Variants in PWWP3A observed in about 807,000 individuals in gnomAD.
The protein encoded by PWWP3A is PWWP domain containing 3A, DNA repair factor.
Under a neutral mutation model 79.0 loss-of-function variants are expected in PWWP3A, and 53 were observed. The observed-to-expected ratio is 0.67, with a 90% confidence interval of 0.54 to 0.84. PWWP3A has a LOEUF of 0.84. Ranked by LOEUF, PWWP3A falls within the 40% of genes least tolerant of loss-of-function variation. The pLI is 0.00. For synonymous variants in PWWP3A, 443 were observed against 394.4 expected (o/e 1.12, Z -1.46); for missense variants, 973 against 948.0 (o/e 1.03, Z -0.35).
At position 1,362,308 on chromosome 19, in the gene PWWP3A, AGAC is replaced by A. The variant is rs751577152; in HGVS notation, c.1173_1175del (p.Asp391del). On this transcript the variant is annotated inframe_deletion, in exon 6 of 14. Coordinates refer to ENST00000591337, the MANE Select transcript of PWWP3A (RefSeq NM_001369789.1). Reference sequence around the variant, plus strand: ...ATTCCATGCGTTCTATCCTGGAGGAAGACGAGGAAGACGAGGAGCCACCAAGAG... The same window carrying A: ...ATTCCATGCGTTCTATCCTGGAGGAAGAGGAAGACGAGGAGCCACCAAGAG... 6.2e-7 allele frequency: 1 copy of A among 1,613,768 alleles called. No homozygotes were observed. Among genetic ancestry groups the A allele is most frequent in the Admixed American group, 1.7e-5 (1 of 59,986 alleles).
At chr19:1,372,984 C>A in intron 12 of PWWP3A, 88 bp from the exon 13 acceptor site, 1 of 1,131,900 alleles carries the variant, frequency 8.8e-7, no homozygotes. Context: ...ACCTGGTGAC[C>A]CAGGCTCCCT....
chr19:1,377,897 G>A lies in PWWP3A; in HGVS notation c.*1321G>A, dbSNP rs1315629448. The A allele has an allele frequency of 6.6e-6, 1 of 152,270 alleles. No individual in the cohort carries two copies. The highest frequency in any genetic ancestry group is 1.5e-5 in the Non-Finnish European group (1 of 68,052). 9.4% of individuals were successfully genotyped at this position (152,270 alleles called of 1,614,324 possible). Reference sequence around the variant, plus strand: ...GGAACACGATTGTCTCAGATGCAGGGCGCTGTGCGGGACGAAGCCGCAAGG... The same window carrying A: ...GGAACACGATTGTCTCAGATGCAGGACGCTGTGCGGGACGAAGCCGCAAGG... On this transcript the variant is annotated 3_prime_UTR_variant, in exon 14 of 14. Coordinates refer to ENST00000591337, the MANE Select transcript of PWWP3A (RefSeq NM_001369789.1).
intron 1 of PWWP3A, among the ~76,000 whole-genome samples, chr19:1,355,903 A>G (rs549354874): frequency 1.1e-3 from 160 of 152,144 alleles, no homozygotes; most frequent in African/African-American, 3.6e-3. Flanking sequence ...GGCAGCCAAA[A>G]GAGCAGTCGT....
Position 1,370,977 on chromosome 19 carries a change from G to C in PWWP3A, c.1885G>C (p.Val629Leu). 1 of 1,564,268 alleles carries C rather than the reference G, an allele frequency of 6.4e-7. No homozygotes were observed. The highest frequency in any genetic ancestry group is 8.7e-7 in the Non-Finnish European group (1 of 1,153,898). ...GGATGAGGGGCAGCTGGACCTGGTG[G>C]TGAAGTACCTGCAGGGCGTCTACCA... ...LEDEGQLDLVVKYLQGVYQEV... is the reference protein window; with the variant it reads ...LEDEGQLDLVLKYLQGVYQEV... The change falls in exon 12 of 14, where the codon GTG becomes CTG. Residue 629 changes from valine (V) to leucine (L), a missense_variant. Transcript: ENST00000591337.
In PWWP3A at chr19:1,360,155, T is replaced by C. The variant is rs374995188; in HGVS notation, c.234T>C (p.Pro78=). Residue 78 remains proline, a synonymous_variant, in exon 5 of 14, where the codon CCT becomes CCC. Transcript: ENST00000591337. The surrounding 1 kb of genome is among the most constrained non-coding windows in gnomAD (Gnocchi z 4.4). The stretch of plus-strand genomic sequence containing the variant: ...TTGCAGCCTCACAGAATGAGGTTCC[T>C]GCGGCACCCCTGGAAGAACTGGCCT... ...ASSLASQNEV[P]AAPLEELAYR... is the part of the protein sequence containing the mutation. The C allele has an allele frequency of 2.4e-5, 38 of 1,567,258 alleles. 1 individual carries two copies. In the African/African-American group the frequency reaches 5.2e-4, roughly 21 times the overall value.
chr19:1,363,144 GGT>G (rs2082056178), intron 6 of PWWP3A, among the ~76,000 whole-genome samples: 1 of 152,248 alleles, frequency 6.6e-6, no homozygotes, highest in Non-Finnish European at 1.5e-5. Flanking sequence ...CCAGGAAGCT[GGT>G]GCGTGTGCAG....
chr19:1,358,148 T>A, intron 3 of PWWP3A: 1 of 478,976 alleles, frequency 2.1e-6, no homozygotes, highest in Non-Finnish European at 3.7e-6. Flanking sequence ...TTTGAATTCA[T>A]TTTTGCTTTT....
Position 1,360,237 on chromosome 19 carries a change from CAAG to C in PWWP3A, c.319_321del (p.Glu107del), listed in dbSNP as rs769179696. The C allele has an allele frequency of 1.2e-6, 2 of 1,613,894 alleles. No homozygotes were observed. The highest frequency in any genetic ancestry group is 2.7e-5 in the African/African-American group (2 of 74,930). The stretch of plus-strand genomic sequence containing the variant: ...TCTGAGCGAGGGCTCGATTTGGAGT[CAAG>C]AAAGCTCTGCAGGGACAGGTAGAGC... On this transcript the variant is annotated inframe_deletion, in exon 5 of 14. Transcript: ENST00000591337. The surrounding 1 kb of genome is among the most constrained non-coding windows in gnomAD (Gnocchi z 4.4).
intron 7 of PWWP3A, 74 bp downstream of exon 7, chr19:1,364,653 G>C (rs1202520009): frequency 8.7e-6 from 10 of 1,150,926 alleles, no homozygotes; most frequent in Non-Finnish European, 1.1e-5. Flanking sequence ...TCCATCTTTA[G>C]TTCTTGATAA....
At chr19:1,375,528 T>TATATAAAATATGTA (rs1568965167) in intron 13 of PWWP3A, among the ~76,000 whole-genome samples, 76 of 79,044 alleles carry the variant, frequency 9.6e-4, no homozygotes, top group African/African-American at 4.3e-3. Flanking sequence ...AATCATATAA[T>TATATAAAATATGTA]TTATATATTT....
intron 9 of PWWP3A, among the ~76,000 whole-genome samples, chr19:1,367,614 C>T (rs1055254190): frequency 2.0e-5 from 3 of 152,350 alleles, no homozygotes; most frequent in South Asian, 2.1e-4. Flanking sequence ...CGGCCGGGGG[C>T]GTCCCTAGCT....
chr19:1,370,908 C>T lies in PWWP3A; in HGVS notation c.1816C>T (p.Leu606=). 1.9e-6 allele frequency: 3 copies of T among 1,555,620 alleles called. No homozygotes were observed. The highest frequency in any genetic ancestry group is 2.6e-6 in the Non-Finnish European group (3 of 1,149,232). The change falls in exon 12 of 14, where the codon CTG becomes TTG. Residue 606 remains leucine, a synonymous_variant. Coordinates refer to ENST00000591337, the MANE Select transcript of PWWP3A (RefSeq NM_001369789.1). ...GCCATCTCGCTGGCTGCAGACCTTC[C>T]TGAGCTCCAGCCAGTACGTGACCTG... ...RKPSRWLQTF[L]SSSQYVTCVE...
At position 1,368,690 on chromosome 19, in the gene PWWP3A, G is replaced by A. The variant is rs1264475089; in HGVS notation, c.1423-575G>A. On this transcript the variant is annotated intron_variant, in intron 9 of 13. Coordinates refer to ENST00000591337, the MANE Select transcript of PWWP3A (RefSeq NM_001369789.1). The surrounding 1 kb of genome is among the most constrained non-coding windows in gnomAD (Gnocchi z 4.7). ...TGCCAGCCCAGGTGCTGTTAGAGCA[G>A]CCCAGGTGCTGGCCTAGCCTGGCTG... 3.3e-5 allele frequency among the ~76,000 whole-genome samples: 5 copies of A among 152,348 alleles called. No individual in the cohort carries two copies. In the South Asian group the frequency reaches 1.0e-3, roughly 32 times the overall value.
chr19:1,371,943 T>C (rs939114213), intron 12 of PWWP3A, among the ~76,000 whole-genome samples: 94 of 151,734 alleles, frequency 6.2e-4, no homozygotes, highest in African/African-American at 2.2e-3. Flanking sequence ...TAGCTGGGAC[T>C]ACAGGCGCCC....
intron 7 of PWWP3A, among the ~76,000 whole-genome samples, chr19:1,366,007 G>T (rs373783277): frequency 2.0e-5 from 3 of 152,248 alleles, no homozygotes; most frequent in Non-Finnish European, 4.4e-5. Context: ...CTGCTGAGCC[G>T]CTGGAGAATC....
chr19:1,371,102 C>T (rs376744405), intron 12 of PWWP3A, 24 bp downstream of exon 12: 24 of 1,546,144 alleles, frequency 1.6e-5, no homozygotes, highest in Middle Eastern at 1.7e-4. Flanking sequence ...CGGCGTGTCA[C>T]GTGGGCAGGG....
At chr19:1,376,311 GT>G (rs371207367) in intron 13 of PWWP3A, among the ~76,000 whole-genome samples, 21 of 69,876 alleles carry the variant, frequency 3.0e-4, no homozygotes, top group East Asian at 1.7e-3. Context: ...TTTTTTGTTT[GT>G]TTTTTTTTTT....
intron 12 of PWWP3A, chr19:1,372,559 C>G (rs2082285112): frequency 6.6e-6 from 1 of 152,084 alleles, no homozygotes; most frequent in Non-Finnish European, 1.5e-5. Flanking sequence ...GAGCTTGAGA[C>G]CAGCCTGGCC....
rs371436491 is a variant in PWWP3A at position 1,373,102 on chromosome 19, G to A, written c.2017G>A (p.Glu673Lys). 7 of 1,614,140 alleles carry A rather than the reference G, an allele frequency of 4.3e-6. No individual in the cohort carries two copies. Among genetic ancestry groups the A allele is most frequent in the East Asian group, 2.2e-5 (1 of 44,900 alleles). ...CATCTGTGCGATCTCTGCGGTGGAC[G>A]AGGTGGACTACAAGACGGCTGAGGA... Reference protein sequence around the residue: ...AIICAISAVDEVDYKTAEEKY... With the variant: ...AIICAISAVDKVDYKTAEEKY... Residue 673 changes from glutamate to lysine, a missense_variant, in exon 13 of 14, where the codon GAG becomes AAG. Transcript: ENST00000591337.
Sources: allele counts gnomAD v4.1 joint callset (sites outside exome capture counted in the v4.1 genomes callset), GRCh38; gene constraint gnomAD v4.1.1; non-coding constraint Gnocchi (gnomAD v3.1); transcripts MANE v1.5; gene names NCBI Gene and HGNC (gene_info 2026-07-23, HGNC 2026-07-21).